The following ZC3H12B variants were observed in gnomAD, a reference collection of about 807,000 sequenced individuals.
ZC3H12B encodes the protein zinc finger CCCH-type containing 12B.
In ZC3H12B, 7 loss-of-function variants were observed where a neutral mutation model predicts 43.9. The ratio of observed to expected loss-of-function variants is 0.16; its 90% CI spans 0.09 to 0.30. The LOEUF is 0.30. ZC3H12B is among the 10% of genes least tolerant of loss of function. The pLI is 1.00. For missense variants in ZC3H12B, 475 were observed against 670.2 expected, an observed-to-expected ratio of 0.71 and a Z score of 3.22; for synonymous variants, 222 against 241.7, an observed-to-expected ratio of 0.92 and a Z score of 0.76.
chrX:65,054,713 C>A, the ZC3H12B span, among the ~76,000 whole-genome samples: 1 of 111,672 alleles, frequency 9.0e-6, no homozygotes, highest in Non-Finnish European at 1.9e-5. Context: ...TTCTTGCTAT[C>A]CATGAGCATG....
the ZC3H12B span, among the ~76,000 whole-genome samples, chrX:65,269,511 AT>A: frequency 1.9e-5 from 2 of 107,168 alleles, no homozygotes; most frequent in Non-Finnish European, 3.8e-5. Flanking sequence ...TTTTATTATT[AT>A]TTTTTTTGAC....
At chrX:65,193,422 C>T in the ZC3H12B span, among the ~76,000 whole-genome samples, 1 of 111,736 alleles carries the variant, frequency 8.9e-6, no homozygotes, top group Admixed American at 9.5e-5. Context: ...AATTTATTGG[C>T]ACATAGTTGC....
the ZC3H12B span, among the ~76,000 whole-genome samples, chrX:65,321,542 A>T: frequency 9.0e-6 from 1 of 111,465 alleles, no homozygotes; most frequent in Non-Finnish European, 1.9e-5. Flanking sequence ...CAGTAATCCC[A>T]TTACTGTGTA....
chrX:65,164,666 G>T, the ZC3H12B span, among the ~76,000 whole-genome samples: 4 of 112,060 alleles, frequency 3.6e-5, no homozygotes, highest in Middle Eastern at 9.3e-3. Context: ...TTAGAAGCAA[G>T]GTGGAGTCAG....
chrX:65,048,325 T>G, the ZC3H12B span, among the ~76,000 whole-genome samples: 1 of 111,545 alleles, frequency 9.0e-6, no homozygotes, highest in Non-Finnish European at 1.9e-5. Context: ...TGATGGACAT[T>G]TAGGTTGTTT....
In ZC3H12B at chrX:65,390,602, G is replaced by T. The variant is rs58347446; in HGVS notation, n.296-7991G>T. Among the ~76,000 whole-genome samples, 536 of 111,294 alleles carry T rather than the reference G, an allele frequency of 4.8e-3. 4 individuals carry two copies. Among genetic ancestry groups the T allele is most frequent in the African/African-American group, 0.016 (504 of 30,617 alleles). ...GCACATATTCTTAGAGAATAAGAAA[G>T]AGATACAATAATGCCGGGAGACTTC... On this transcript the variant is annotated intron_variant and non_coding_transcript_variant, in intron 2 of 5. Transcript: ENST00000617377.
the ZC3H12B span, among the ~76,000 whole-genome samples, chrX:65,153,994 A>G: frequency 9.1e-6 from 1 of 110,389 alleles, no homozygotes. Context: ...AAAACCAAAC[A>G]CCGCATATTC....
chrX:65,472,966 GTA>G (rs202109027), intron 3 of ZC3H12B, among the ~76,000 whole-genome samples: 78 of 78,951 alleles, frequency 9.9e-4, no homozygotes, highest in African/African-American at 5.4e-3. Flanking sequence ...TTGTGTATGT[GTA>G]TGTGTGTGTA....
chrX:65,506,098 G>A (rs1485066376), exon 5 of ZC3H12B: 1 of 112,435 alleles, frequency 8.9e-6, no homozygotes, highest in Non-Finnish European at 1.9e-5. Context: ...CAGGGGTTGT[G>A]AGGGAGCTTT....
the ZC3H12B span, among the ~76,000 whole-genome samples, chrX:65,348,562 G>T: frequency 5.4e-5 from 6 of 110,651 alleles, no homozygotes; most frequent in Non-Finnish European, 1.1e-4. Flanking sequence ...AAAGACACAG[G>T]CTGCCAAATA....
chrX:65,223,959 C>A, the ZC3H12B span, among the ~76,000 whole-genome samples: 1 of 111,639 alleles, frequency 9.0e-6, no homozygotes, highest in Admixed American at 9.5e-5. Context: ...GGGTATCGAC[C>A]GAGAGGAAAA....
the ZC3H12B span, among the ~76,000 whole-genome samples, chrX:65,074,182 ACT>A: frequency 1.9e-5 from 2 of 105,794 alleles, no homozygotes; most frequent in East Asian, 3.0e-4. Context: ...GTTGTGATGA[ACT>A]CTCTCTGCTT....
chrX:65,165,967 G>T, the ZC3H12B span, among the ~76,000 whole-genome samples: 1 of 111,910 alleles, frequency 8.9e-6, no homozygotes, highest in African/African-American at 3.3e-5. Context: ...GCTATTTCCT[G>T]ACTTTTTAAT....
chrX:65,228,321 C>G, the ZC3H12B span, among the ~76,000 whole-genome samples: 1 of 111,576 alleles, frequency 9.0e-6, no homozygotes, highest in African/African-American at 3.3e-5. Flanking sequence ...AGGCCTTTGA[C>G]AAAATTCAAC....
chrX:65,228,995 G>A, the ZC3H12B span, among the ~76,000 whole-genome samples: 18 of 111,341 alleles, frequency 1.6e-4, no homozygotes, highest in African/African-American at 5.9e-4. Flanking sequence ...TCCCCATCAA[G>A]CTACCAATGA....
chrX:65,314,198 T>A, the ZC3H12B span, among the ~76,000 whole-genome samples: 1 of 110,795 alleles, frequency 9.0e-6, no homozygotes, highest in African/African-American at 3.3e-5. Flanking sequence ...AATGTTGGTA[T>A]TAATTGAGTT....
chrX:65,050,095 A>C, the ZC3H12B span, among the ~76,000 whole-genome samples: 1 of 111,218 alleles, frequency 9.0e-6, no homozygotes, highest in Non-Finnish European at 1.9e-5. Flanking sequence ...TGAATTTTCC[A>C]ACTTTCTTTA....
At chrX:65,436,258 G>A (rs1448838900) in intron 3 of ZC3H12B, among the ~76,000 whole-genome samples, 2 of 112,020 alleles carry the variant, frequency 1.8e-5, no homozygotes, top group Non-Finnish European at 3.8e-5. Context: ...CCTCCCACTA[G>A]GCCCCTCCTC....
the ZC3H12B span, among the ~76,000 whole-genome samples, chrX:65,257,667 G>T: frequency 3.6e-5 from 4 of 109,628 alleles, no homozygotes; most frequent in Non-Finnish European, 7.6e-5. Context: ...AAAAAGAGAG[G>T]TTGAAATAAT....
Sources: gnomAD v4.1 joint callset for allele counts (sites outside exome capture counted in the v4.1 genomes callset) on GRCh38, gnomAD v4.1.1 for gene constraint, MANE v1.5 for transcripts, NCBI Gene and HGNC (gene_info 2026-07-23, HGNC 2026-07-21) for gene names.